Variants in RAPGEF5 observed in about 807,000 individuals in gnomAD.
The protein encoded by RAPGEF5 is Rap guanine nucleotide exchange factor 5.
In RAPGEF5, 65 loss-of-function variants were observed where a neutral mutation model predicts 125.2. The observed-to-expected ratio is 0.52, with a 90% CI of 0.43 to 0.64. The LOEUF is 0.64. Ranked by LOEUF, RAPGEF5 falls within the 30% of genes least tolerant of loss-of-function variation. RAPGEF5 has a pLI of 0.00. For missense variants in RAPGEF5, 958 were observed against 1,048.1 expected, an observed-to-expected ratio of 0.91 and a Z score of 1.19; for synonymous variants, 391 against 385.9, an observed-to-expected ratio of 1.01 and a Z score of -0.16.
At chr7:22,194,983 G>A (rs1024636978) in intron 9 of RAPGEF5, among the ~76,000 whole-genome samples, 4 of 152,200 alleles carry the variant, frequency 2.6e-5, no homozygotes, top group Admixed American at 1.3e-4. Context: ...ATGCATGTCC[G>A]AAAATCTAGC....
At position 22,356,884 on chromosome 7, in the gene RAPGEF5, C is replaced by A; in HGVS notation, c.177G>T (p.Ala59=). 1 of 1,150,856 alleles carries A rather than the reference C, an allele frequency of 8.7e-7. No individual in the cohort carries two copies. The highest frequency in any genetic ancestry group is 1.1e-6 in the Non-Finnish European group (1 of 936,430). The allele number at this position is 1,150,856 out of a possible 1,614,324, so 71.3% of individuals were successfully genotyped here. Reference sequence around the variant, plus strand: ...GCAGCGTGAGCCCGCTCCGCAGCAGCGCGGGCAGGTCCCTCAGCCGCGGCC... The same window carrying A: ...GCAGCGTGAGCCCGCTCCGCAGCAGAGCGGGCAGGTCCCTCAGCCGCGGCC... ...SLRPRLRDLP[A]LLRSGLTLRR... Residue 59 remains alanine, a synonymous_variant, in exon 1 of 26, where the codon GCG becomes GCT. Transcript: ENST00000665637.
Position 22,224,266 on chromosome 7 carries a change from A to G in RAPGEF5, c.871-4275T>C, listed in dbSNP as rs1583495273. On this transcript the variant is annotated intron_variant, in intron 8 of 25. Transcript: ENST00000665637. ...ACAATGGTAAATATATGGGCCTATC[A>G]TTAAGATGCTCTTTTAATCTACACT... Among the ~76,000 whole-genome samples, 3 of 152,304 alleles carry G rather than the reference A, an allele frequency of 2.0e-5. No individual in the cohort carries two copies. The South Asian group carries it at 6.2e-4, about 32-fold the overall frequency.
chr7:22,125,718 G>A, intron 24 of RAPGEF5, 60 bp from the exon 25 acceptor site: 1 of 1,453,746 alleles, frequency 6.9e-7, no homozygotes, highest in Non-Finnish European at 9.7e-7. Flanking sequence ...TACTGAAGAA[G>A]CAGTGCCTGC....
intron 12 of RAPGEF5, among the ~76,000 whole-genome samples, chr7:22,163,450 C>A (rs1372163728): frequency 6.6e-6 from 1 of 152,144 alleles, no homozygotes; most frequent in African/African-American, 2.4e-5. Context: ...GGACGATCTA[C>A]TTCTGTTAAC....
chr7:22,141,332 T>A (rs1282058780), intron 20 of RAPGEF5, among the ~76,000 whole-genome samples: 1 of 152,166 alleles, frequency 6.6e-6, no homozygotes, highest in Non-Finnish European at 1.5e-5. Flanking sequence ...GTGAAGACAT[T>A]AAAGGTTCTC....
Position 22,256,073 on chromosome 7 carries a change from C to T in RAPGEF5, c.796+10891G>A, listed in dbSNP as rs1254477244. On this transcript the variant is annotated intron_variant, in intron 7 of 25. Coordinates refer to ENST00000665637, the MANE Select transcript of RAPGEF5 (RefSeq NM_012294.5). Reference sequence around the variant, plus strand: ...CTTGCCTGCCCAGCAGCCATTCTCCCCTCTGCTGGTGTTCTTTGTAGAGCC... The same window carrying T: ...CTTGCCTGCCCAGCAGCCATTCTCCTCTCTGCTGGTGTTCTTTGTAGAGCC... 3.3e-5 allele frequency among the ~76,000 whole-genome samples: 5 copies of T among 152,254 alleles called. No individual in the cohort carries two copies. In the East Asian group the frequency reaches 5.8e-4, roughly 18 times the overall value.
intron 7 of RAPGEF5, among the ~76,000 whole-genome samples, chr7:22,262,381 A>G (rs867209287): frequency 9.2e-5 from 14 of 152,202 alleles, no homozygotes; most frequent in African/African-American, 3.1e-4. Context: ...TACGCCTATC[A>G]GAATGGCTAA....
chr7:22,285,122 T>G (rs1257328900), intron 6 of RAPGEF5, among the ~76,000 whole-genome samples: 2 of 152,184 alleles, frequency 1.3e-5, no homozygotes, highest in African/African-American at 2.4e-5. Context: ...TTTATCCTAG[T>G]GACCATGCAG....
intron 6 of RAPGEF5, among the ~76,000 whole-genome samples, chr7:22,287,798 T>C (rs776053717): frequency 1.3e-5 from 2 of 152,204 alleles, no homozygotes; most frequent in Admixed American, 6.5e-5. Context: ...CCACTGTCCA[T>C]TAACAAATGC....
intron 9 of RAPGEF5, among the ~76,000 whole-genome samples, chr7:22,219,491 A>G (rs1785725277): frequency 6.6e-6 from 1 of 150,894 alleles, no homozygotes; most frequent in East Asian, 1.9e-4. Context: ...TGTACTAAAC[A>G]TAAAAATATG....
intron 9 of RAPGEF5, chr7:22,194,575 CA>C: frequency 1.0e-6 from 1 of 983,812 alleles, no homozygotes; most frequent in Non-Finnish European, 1.2e-6. Context: ...CCCACTCCAT[CA>C]TTCAATTCAA....
chr7:22,268,323 C>G (rs1480717232), intron 6 of RAPGEF5, among the ~76,000 whole-genome samples: 1 of 152,142 alleles, frequency 6.6e-6, no homozygotes, highest in Non-Finnish European at 1.5e-5. Context: ...AAAATGCTCA[C>G]AGTTGGAAAG....
intron 1 of RAPGEF5, among the ~76,000 whole-genome samples, chr7:22,328,313 C>A (rs1258217546): frequency 1.3e-5 from 2 of 152,356 alleles, no homozygotes; most frequent in South Asian, 2.1e-4. Flanking sequence ...ATTTCATTCA[C>A]CGGCTTGAGC....
chr7:22,350,591 C>T (rs1410702742), intron 1 of RAPGEF5, among the ~76,000 whole-genome samples: 3 of 152,126 alleles, frequency 2.0e-5, no homozygotes, highest in African/African-American at 7.2e-5. Flanking sequence ...ATAACTAATG[C>T]AAAGATAATA....
chr7:22,349,061 G>C (rs1226830179), intron 1 of RAPGEF5, among the ~76,000 whole-genome samples: 2 of 150,320 alleles, frequency 1.3e-5, no homozygotes, highest in Admixed American at 1.3e-4. Context: ...CGTACTCCAG[G>C]CTGGGTGAAA....
intron 1 of RAPGEF5, among the ~76,000 whole-genome samples, chr7:22,336,846 G>A (rs901046622): frequency 1.4e-4 from 21 of 152,188 alleles, no homozygotes; most frequent in Middle Eastern, 3.4e-3. Context: ...CTAATTTTTC[G>A]TGGCTGTGTG....
rs758766967 is a variant in RAPGEF5 at position 22,156,868 on chromosome 7, T to C, written c.1578A>G (p.Gln526=). Residue 526 remains glutamine (Q), a synonymous_variant, in exon 16 of 26, where the codon CAA becomes CAG. Coordinates refer to ENST00000665637, the MANE Select transcript of RAPGEF5 (RefSeq NM_012294.5). ...GGAGCCAGTTCTCCTTAAGACTGAA[T>C]TGGTGGAAAAGGGCTTTATTCTGTG... ...PQKKNKALFH[Q]FSLKENWLQH... is the part of the protein sequence containing the mutation. 9 of 1,613,810 alleles carry C rather than the reference T, an allele frequency of 5.6e-6. No homozygotes were observed. The highest frequency in any genetic ancestry group is 3.3e-5 in the South Asian group (3 of 91,084).
intron 24 of RAPGEF5, among the ~76,000 whole-genome samples, chr7:22,128,432 T>C (rs1375737731): frequency 1.3e-5 from 2 of 152,226 alleles, no homozygotes; most frequent in Non-Finnish European, 2.9e-5. Flanking sequence ...ATCTGTTAGC[T>C]GGCTTAAGTT....
intron 9 of RAPGEF5, among the ~76,000 whole-genome samples, chr7:22,218,141 G>A (rs908432799): frequency 6.6e-6 from 1 of 151,990 alleles, no homozygotes; most frequent in Non-Finnish European, 1.5e-5. Flanking sequence ...GAGAACACAA[G>A]GACACAGGAA....
Sources: allele counts gnomAD v4.1 joint callset (sites outside exome capture counted in the v4.1 genomes callset), GRCh38; gene constraint gnomAD v4.1.1; transcripts MANE v1.5; gene names NCBI Gene and HGNC (gene_info 2026-07-23, HGNC 2026-07-21).